PTPRN2: variants seen among roughly 807,000 people sequenced by gnomAD.
PTPRN2 encodes protein tyrosine phosphatase receptor type N2, also known as receptor-type tyrosine-protein phosphatase N2.
In PTPRN2, 74 loss-of-function variants were observed where a neutral mutation model predicts 118.8. That is an observed-to-expected ratio of 0.62 (90% CI 0.52 to 0.76). The LOEUF (loss-of-function observed/expected upper bound fraction) is 0.76. PTPRN2 is among the 30% of genes least tolerant of loss of function. The pLI, the probability that PTPRN2 is intolerant of heterozygous loss-of-function variation, is 0.00. For missense variants in PTPRN2, 1,481 were observed against 1,394.4 expected, an observed-to-expected ratio of 1.06 and a Z score of -0.99; for synonymous variants, 641 against 608.0, an observed-to-expected ratio of 1.05 and a Z score of -0.80.
chr7:158,071,964 ATGGAGGTGCCCGTGG>A (rs1353840090), intron 11 of PTPRN2, among the ~76,000 whole-genome samples: 4 of 27,846 alleles, frequency 1.4e-4, no homozygotes, highest in African/African-American at 5.3e-4. Context: ...TGCTCGTCGT[ATGGAGGTGCCCGTGG>A]TGGAGGTGCT....
chr7:157,690,589 AG>A lies in PTPRN2; in HGVS notation c.1789-7653del, dbSNP rs1486135714. ...CGGCGCCCAGCGCCCGCGCGGGAGG[AG>A]GTGGGGGCGTGCGCCGGGCCGAGCG... On this transcript the variant is annotated intron_variant, in intron 12 of 22. Coordinates refer to ENST00000389418, the MANE Select transcript of PTPRN2 (RefSeq NM_002847.5). This position sits in a 1 kb window ranked among gnomAD's most constrained non-coding sequence, Gnocchi z 7.1. Among the ~76,000 whole-genome samples, 2 of 150,536 alleles carry A rather than the reference AG, an allele frequency of 1.3e-5. No homozygotes were observed. The highest frequency in any genetic ancestry group is 4.9e-5 in the African/African-American group (2 of 40,906).
At chr7:158,228,676 C>A (rs1014689558) in intron 3 of PTPRN2, among the ~76,000 whole-genome samples, 3 of 152,074 alleles carry the variant, frequency 2.0e-5, no homozygotes, top group African/African-American at 7.2e-5. Context: ...AAGCATCAGA[C>A]CACCATGTCT....
intron 14 of PTPRN2, among the ~76,000 whole-genome samples, chr7:157,623,856 C>T (rs1267784094): frequency 5.9e-5 from 9 of 152,338 alleles, no homozygotes; most frequent in African/African-American, 2.2e-4. Flanking sequence ...TCAATTTGAT[C>T]TGTTCTGTAT....
chr7:158,550,884 G>A (rs1033439466), intron 1 of PTPRN2, among the ~76,000 whole-genome samples: 4 of 152,120 alleles, frequency 2.6e-5, no homozygotes, highest in African/African-American at 9.7e-5. Flanking sequence ...CGGCCGTCGC[G>A]CTTCCCTTCA....
At chr7:158,029,316 G>A (rs1251228472) in intron 11 of PTPRN2, 1 of 152,180 alleles carries the variant, frequency 6.6e-6, no homozygotes, top group Admixed American at 6.5e-5. Context: ...TCCTCTAAGT[G>A]TCCCTTAAAC....
chr7:158,073,088 G>T (rs150167391), intron 11 of PTPRN2, among the ~76,000 whole-genome samples: 1 of 152,260 alleles, frequency 6.6e-6, no homozygotes, highest in African/African-American at 2.4e-5. Context: ...CTGCTGGGGA[G>T]GTAGGTGCCC....
chr7:157,659,210 C>T (rs1455677355), intron 13 of PTPRN2, among the ~76,000 whole-genome samples: 4 of 151,178 alleles, frequency 2.6e-5, no homozygotes, highest in Non-Finnish European at 5.9e-5. Flanking sequence ...GGGAAGGGGC[C>T]CTGCGGCCCC....
Position 157,540,584 on chromosome 7 carries a change from G to T in PTPRN2, c.*130C>A. 2 of 617,626 alleles carry T rather than the reference G, an allele frequency of 3.2e-6. No individual in the cohort carries two copies. Among genetic ancestry groups the T allele is most frequent in the Non-Finnish European group, 5.3e-6 (2 of 380,618 alleles). The allele number at this position is 617,626 out of a possible 1,614,324, so 38.3% of individuals were successfully genotyped here. A position where few individuals can be genotyped will look rare whatever the true frequency, so the allele number is the denominator to read the frequency against. ...AATACACTTTTAACTGCTAAACTGCGCTGACTACGGGAGAGCTAAGGGCCC... is the reference window on the plus strand; with the variant it reads ...AATACACTTTTAACTGCTAAACTGCTCTGACTACGGGAGAGCTAAGGGCCC... On this transcript the variant is annotated 3_prime_UTR_variant, in exon 23 of 23. Transcript: ENST00000389418.
At position 157,560,421 on chromosome 7, in the gene PTPRN2, G is replaced by C. The variant is rs557778892; in HGVS notation, c.2902+8481C>G. On this transcript the variant is annotated intron_variant, in intron 21 of 22. Coordinates refer to ENST00000389418, the MANE Select transcript of PTPRN2 (RefSeq NM_002847.5). This position sits in a 1 kb window ranked among gnomAD's most constrained non-coding sequence, Gnocchi z 6.7. ...GTCCACACGCTCCCACCAGGCGATC[G>C]ACACCAGGGTCCGCCTGTGCCCTGC... Among the ~76,000 whole-genome samples, 2 of 148,534 alleles carry C rather than the reference G, an allele frequency of 1.3e-5. No individual in the cohort carries two copies. The highest frequency in any genetic ancestry group is 3.0e-5 in the Non-Finnish European group (2 of 66,628).
intron 2 of PTPRN2, among the ~76,000 whole-genome samples, chr7:158,395,295 G>C (rs1586562838): frequency 7.0e-6 from 1 of 143,640 alleles, no homozygotes; most frequent in Admixed American, 6.9e-5. Flanking sequence ...GAGGGGTGAG[G>C]GGTGAGGGGC....
At chr7:158,144,777 G>T (rs1035735758) in intron 6 of PTPRN2, among the ~76,000 whole-genome samples, 1 of 152,228 alleles carries the variant, frequency 6.6e-6, no homozygotes, top group South Asian at 2.1e-4. Flanking sequence ...AGCAAACACC[G>T]TCACTGTCAA....
intron 4 of PTPRN2, among the ~76,000 whole-genome samples, chr7:158,194,638 C>G (rs1182083685): frequency 3.9e-5 from 6 of 152,230 alleles, no homozygotes; most frequent in Non-Finnish European, 5.9e-5. Flanking sequence ...ATCTGCTTCT[C>G]TCAGGCCAGG....
rs1563127572 is a variant in PTPRN2, at chr7:158,316,907, CT to C, written c.188del (p.Lys63ArgfsTer42). On this transcript the variant is annotated frameshift_variant, in exon 3 of 23. Transcript: ENST00000389418. LOFTEE classifies it high-confidence loss of function. The part of the protein sequence containing the change: ...VNDGVFGRCQ[K>X]VPAMDFYRYE... ...AGCGGTAAAAGTCCATTGCCGGAAC[CT>C]TCTGGCACCTTCCAAACACTCCATC... 2 of 1,612,556 alleles carry C rather than the reference CT, an allele frequency of 1.2e-6. No homozygotes were observed. The highest frequency in any genetic ancestry group is 1.7e-6 in the Non-Finnish European group (2 of 1,179,738).
chr7:157,736,363 A>C (rs1800296754), intron 12 of PTPRN2, among the ~76,000 whole-genome samples: 1 of 152,056 alleles, frequency 6.6e-6, no homozygotes, highest in Non-Finnish European at 1.5e-5. Context: ...TGGAGACAGG[A>C]CCTCCAAGGA....
At chr7:157,691,073 C>A (rs992018826) in intron 12 of PTPRN2, among the ~76,000 whole-genome samples, 10 of 113,988 alleles carry the variant, frequency 8.8e-5, no homozygotes, top group African/African-American at 2.4e-4. Context: ...GATGTCCCCC[C>A]CCCCCCCCAC....
In PTPRN2 at chr7:157,874,830, GAC is replaced by G. The variant is rs1291701859; in HGVS notation, c.1788+23841_1788+23842del. Among the ~76,000 whole-genome samples, 16 of 141,056 alleles carry G rather than the reference GAC, an allele frequency of 1.1e-4. No individual in the cohort carries two copies. Among genetic ancestry groups the G allele is most frequent in the African/African-American group, 5.1e-5 (2 of 38,920 alleles). 92.5% of individuals were successfully genotyped at this position (141,056 alleles called of 152,430 possible). A position where few individuals can be genotyped will look rare whatever the true frequency, so the allele number is the denominator to read the frequency against. The stretch of plus-strand genomic sequence containing the variant: ...AGACACACTCATGGACACACACAGA[GAC>G]ACACTCATGCACATATACACACGGA... On this transcript the variant is annotated intron_variant, in intron 12 of 22. Coordinates refer to ENST00000389418, the MANE Select transcript of PTPRN2 (RefSeq NM_002847.5). This position sits in a 1 kb window ranked among gnomAD's most constrained non-coding sequence, Gnocchi z 5.8.
chr7:158,382,185 G>A (rs186370726), intron 2 of PTPRN2, among the ~76,000 whole-genome samples: 21 of 152,234 alleles, frequency 1.4e-4, no homozygotes, highest in East Asian at 9.7e-4. Flanking sequence ...CCTGGGCAAC[G>A]CAGCTCAGCA....
chr7:157,742,636 C>G (rs889385176), intron 12 of PTPRN2, among the ~76,000 whole-genome samples: 46 of 152,158 alleles, frequency 3.0e-4, no homozygotes, highest in African/African-American at 1.1e-3. Flanking sequence ...CACCCAGAAT[C>G]TAGGGTGGGG....
At chr7:158,025,447 A>G (rs1266744811) in intron 11 of PTPRN2, among the ~76,000 whole-genome samples, 2 of 152,192 alleles carry the variant, frequency 1.3e-5, no homozygotes, top group African/African-American at 4.8e-5. Context: ...CCCAGAAAAC[A>G]ATGTCAGATT....
Sources: allele counts gnomAD v4.1 joint callset (sites outside exome capture counted in the v4.1 genomes callset), GRCh38; gene constraint gnomAD v4.1.1; non-coding constraint Gnocchi (gnomAD v3.1); transcripts MANE v1.5; gene names NCBI Gene and HGNC (gene_info 2026-07-23, HGNC 2026-07-21).